The following LRRC4C variants were observed in gnomAD, a reference collection of about 807,000 sequenced individuals.
LRRC4C encodes the protein leucine-rich repeat-containing protein 4C.
A neutral mutation model predicts 33.6 loss-of-function variants in LRRC4C; 5 were observed. That is an observed-to-expected ratio of 0.15 (90% CI 0.08 to 0.31). The LOEUF is 0.31. LRRC4C is among the 10% of genes least tolerant of loss of function. LRRC4C has a pLI of 1.00. For missense variants in LRRC4C, 560 were observed against 796.7 expected (o/e 0.70, Z 3.58); for synonymous variants, 329 against 302.0 (o/e 1.09, Z -0.93).
chr11:40,433,362 GA>G (rs1389188430), intron 3 of LRRC4C, among the ~76,000 whole-genome samples: 3 of 152,032 alleles, frequency 2.0e-5, no homozygotes, highest in African/African-American at 7.2e-5. Context: ...CAGAAATTGA[GA>G]CACAAAAAGG....
chr11:40,473,033 G>A (rs1222364162), intron 3 of LRRC4C, among the ~76,000 whole-genome samples: 2 of 152,150 alleles, frequency 1.3e-5, no homozygotes, highest in Non-Finnish European at 2.9e-5. Context: ...GATACAAAGA[G>A]GAGCTGGTAC....
intron 1 of LRRC4C, among the ~76,000 whole-genome samples, chr11:41,125,325 G>A (rs1942683467): frequency 6.6e-6 from 1 of 151,984 alleles, no homozygotes; most frequent in African/African-American, 2.4e-5. Flanking sequence ...AATTCACATT[G>A]TCCAAAAAAT....
chr11:41,357,299 A>G (rs913916504), intron 1 of LRRC4C, among the ~76,000 whole-genome samples: 1 of 152,144 alleles, frequency 6.6e-6, no homozygotes, highest in African/African-American at 2.4e-5. Context: ...TATGTAGATA[A>G]TTTTTTTAAT....
At chr11:40,927,245 G>A (rs1266771781) in intron 2 of LRRC4C, among the ~76,000 whole-genome samples, 3 of 151,842 alleles carry the variant, frequency 2.0e-5, no homozygotes, top group Non-Finnish European at 2.9e-5. Context: ...GTGGTGGTGC[G>A]CACCTACAAT....
intron 4 of LRRC4C, among the ~76,000 whole-genome samples, chr11:40,299,735 G>T (rs146955569): frequency 1.3e-5 from 2 of 152,186 alleles, no homozygotes; most frequent in Non-Finnish European, 2.9e-5. Flanking sequence ...TTGACTAGAT[G>T]AATGAACTGT....
chr11:41,235,008 G>A (rs942036823), intron 1 of LRRC4C, among the ~76,000 whole-genome samples: 2 of 151,858 alleles, frequency 1.3e-5, no homozygotes, highest in African/African-American at 2.4e-5. Context: ...AACCTAAATA[G>A]GTGAAGGATC....
At chr11:40,608,885 A>G (rs1415983346) in intron 3 of LRRC4C, among the ~76,000 whole-genome samples, 1 of 152,174 alleles carries the variant, frequency 6.6e-6, no homozygotes, top group African/African-American at 2.4e-5. Context: ...TAACAATTAT[A>G]CATGTATATA....
chr11:40,391,027 G>C (rs1949313593), intron 3 of LRRC4C, among the ~76,000 whole-genome samples: 1 of 151,918 alleles, frequency 6.6e-6, no homozygotes, highest in South Asian at 2.1e-4. Context: ...GATTACATGT[G>C]TGCATCACCA....
intron 2 of LRRC4C, among the ~76,000 whole-genome samples, chr11:40,840,791 A>G (rs1251513398): frequency 1.3e-5 from 2 of 152,216 alleles, no homozygotes; most frequent in African/African-American, 2.4e-5. Context: ...GAACAGTAAA[A>G]CAAAAGAAAA....
intron 1 of LRRC4C, among the ~76,000 whole-genome samples, chr11:41,026,243 C>A (rs1417402344): frequency 3.3e-5 from 5 of 151,502 alleles, no homozygotes; most frequent in African/African-American, 1.2e-4. Context: ...TGGGAGGAGG[C>A]CAAAATATCA....
chr11:41,195,512 CT>C (rs752921624), intron 1 of LRRC4C, among the ~76,000 whole-genome samples: 4 of 152,004 alleles, frequency 2.6e-5, no homozygotes, highest in Admixed American at 6.6e-5. Context: ...ATCTTTCTGC[CT>C]TTAACTTTAG....
intron 3 of LRRC4C, among the ~76,000 whole-genome samples, chr11:40,565,603 T>G (rs1957725029): frequency 6.6e-6 from 1 of 152,160 alleles, no homozygotes; most frequent in Admixed American, 6.6e-5. Flanking sequence ...CATTACAATT[T>G]TGACAGTTGC....
chr11:40,653,282 G>A (rs1471483258), intron 2 of LRRC4C, among the ~76,000 whole-genome samples: 1 of 152,188 alleles, frequency 6.6e-6, no homozygotes, highest in Non-Finnish European at 1.5e-5. Context: ...AAAAGTGTGG[G>A]AAAGTTTGGA....
chr11:41,422,618 C>T (rs564608551), intron 1 of LRRC4C, among the ~76,000 whole-genome samples: 1 of 152,056 alleles, frequency 6.6e-6, no homozygotes, highest in Non-Finnish European at 1.5e-5. Flanking sequence ...CGACTCCACC[C>T]CAGGATGTTT....
chr11:41,216,293 A>G (rs1340031068), intron 1 of LRRC4C, among the ~76,000 whole-genome samples: 1 of 151,652 alleles, frequency 6.6e-6, no homozygotes, highest in Non-Finnish European at 1.5e-5. Context: ...TGAGTGGATA[A>G]GTGAAATGAC....
intron 1 of LRRC4C, among the ~76,000 whole-genome samples, chr11:41,208,400 T>C (rs1441471695): frequency 1.3e-5 from 2 of 152,226 alleles, no homozygotes; most frequent in African/African-American, 2.4e-5. Context: ...AAGATTTGAA[T>C]AATTCTCTGC....
chr11:40,438,683 AT>A, intron 3 of LRRC4C, among the ~76,000 whole-genome samples: 1 of 152,312 alleles, frequency 6.6e-6, no homozygotes, highest in South Asian at 2.1e-4. Context: ...TGAGAGATGA[AT>A]TTGGGCCCAT....
chr11:40,333,142 T>C lies in LRRC4C; in HGVS notation c.-269-13421A>G, dbSNP rs1194689058. On this transcript the variant is annotated intron_variant, in intron 3 of 6. Transcript: ENST00000528697. Reference sequence around the variant, plus strand: ...TGAAGGCCACCAAAAATATCTCACTTTCAATTTTTTTTTGAACTCCTCCTC... The same window carrying C: ...TGAAGGCCACCAAAAATATCTCACTCTCAATTTTTTTTTGAACTCCTCCTC... Among the ~76,000 whole-genome samples, 4 of 152,150 alleles carry C rather than the reference T, an allele frequency of 2.6e-5. No individual in the cohort carries two copies. The South Asian group carries it at 6.2e-4, about 24-fold the overall frequency.
intron 2 of LRRC4C, among the ~76,000 whole-genome samples, chr11:40,671,680 G>GTA (rs1224555917): frequency 2.6e-5 from 1 of 38,584 alleles, no homozygotes; most frequent in South Asian, 6.7e-4. Flanking sequence ...TGTGTGTGTA[G>GTA]TATATATATA....
Sources: gnomAD v4.1 joint callset for allele counts (sites outside exome capture counted in the v4.1 genomes callset) on GRCh38, gnomAD v4.1.1 for gene constraint, MANE v1.5 for transcripts, NCBI Gene and HGNC (gene_info 2026-07-23, HGNC 2026-07-21) for gene names.